The following USP15 variants were observed in gnomAD, a reference collection of about 807,000 sequenced individuals.
USP15 encodes the protein ubiquitin specific peptidase 15, also known as ubiquitin carboxyl-terminal hydrolase 15.
In USP15, 18 loss-of-function variants were observed where a neutral mutation model predicts 127.1. The observed-to-expected ratio is 0.14, with a 90% confidence interval of 0.10 to 0.21. The LOEUF is 0.21. Among genes scored for constraint, USP15 ranks in the 10% least tolerant of loss-of-function variants. The pLI, the probability that USP15 is intolerant of heterozygous loss-of-function variation, is 1.00. For missense variants in USP15, 805 were observed against 1,159.9 expected (o/e 0.69, Z 4.44); for synonymous variants, 364 against 393.7 (o/e 0.92, Z 0.89).
chr12:62,302,649 A>G (rs528223873), intron 2 of USP15, 141 bp from the exon 3 acceptor site: 2 of 713,318 alleles, frequency 2.8e-6, no homozygotes, highest in African/African-American at 3.6e-5. Flanking sequence ...AAAATTGGAC[A>G]CCCCTGATGT....
At chr12:62,305,514 G>A (rs371355891) in intron 3 of USP15, 6 of 152,116 alleles carry the variant, frequency 3.9e-5, no homozygotes, top group East Asian at 3.9e-4. Context: ...ACCTGCAGAC[G>A]TGTATTAAAG....
chr12:62,371,249 C>G (rs2066656204), intron 8 of USP15, among the ~76,000 whole-genome samples: 1 of 152,168 alleles, frequency 6.6e-6, no homozygotes, highest in South Asian at 2.1e-4. Flanking sequence ...TTTCAAAACT[C>G]TTTGTATATA....
At chr12:62,281,929 T>G (rs1006593587) in intron 1 of USP15, among the ~76,000 whole-genome samples, 2 of 152,174 alleles carry the variant, frequency 1.3e-5, no homozygotes, top group African/African-American at 4.8e-5. Context: ...GCAGTCCCTT[T>G]TTATCTGCAG....
intron 20 of USP15, among the ~76,000 whole-genome samples, chr12:62,397,041 C>G (rs927122450): frequency 7.2e-5 from 11 of 151,996 alleles, no homozygotes; most frequent in African/African-American, 2.7e-4. Flanking sequence ...ATGGCTCTAA[C>G]ACTCGACACT....
At chr12:62,346,950 AATT>A (rs2065836497) in intron 6 of USP15, among the ~76,000 whole-genome samples, 1 of 151,994 alleles carries the variant, frequency 6.6e-6, no homozygotes, top group Non-Finnish European at 1.5e-5. Flanking sequence ...CTATCCCTCT[AATT>A]GTACGTCATT....
intron 9 of USP15, 102 bp downstream of exon 9, chr12:62,381,765 G>T (rs930480371): frequency 1.4e-5 from 16 of 1,184,710 alleles, no homozygotes; most frequent in Non-Finnish European, 1.8e-5. Context: ...ACAATGGTTT[G>T]TGGCCCTCCA....
intron 6 of USP15, chr12:62,335,413 C>G: frequency 7.2e-7 from 1 of 1,384,902 alleles, no homozygotes; most frequent in East Asian, 2.7e-5. Context: ...AATTGTTGTA[C>G]TTTACCTGTC....
chr12:62,335,298 A>G lies in USP15; in HGVS notation c.683+9365A>G, dbSNP rs1240082000. On this transcript the variant is annotated intron_variant, in intron 6 of 21. Transcript: ENST00000280377. ...TAAATAACCTGATATTAACTCCACA[A>G]ATGTTAGCTAGATTGGACCATGTGT... The G allele has an allele frequency of 6.7e-6, 10 of 1,485,836 alleles. No homozygotes were observed. In the East Asian group the frequency reaches 1.7e-4, roughly 26 times the overall value. 92.0% of individuals were successfully genotyped at this position (1,485,836 alleles called of 1,614,324 possible). A position where few individuals can be genotyped will look rare whatever the true frequency, so the allele number is the denominator to read the frequency against.
At chr12:62,313,965 A>G in intron 3 of USP15, 1 of 732,050 alleles carries the variant, frequency 1.4e-6, no homozygotes, top group Non-Finnish European at 1.7e-6. Context: ...CTAATGGATC[A>G]CATATCAGGC....
At chr12:62,341,415 GTCA>G (rs1421702016) in intron 6 of USP15, among the ~76,000 whole-genome samples, 1 of 152,142 alleles carries the variant, frequency 6.6e-6, no homozygotes, top group Non-Finnish European at 1.5e-5. Flanking sequence ...ATTTGATCCA[GTCA>G]TCATGATGCT....
In USP15 at chr12:62,343,654, T is replaced by TC. The variant is rs1275863508; in HGVS notation, c.684-5562dup. Among the ~76,000 whole-genome samples the TC allele has an allele frequency of 1.1e-4, 16 of 151,464 alleles. No homozygotes were observed. The East Asian group carries it at 3.1e-3, about 30-fold the overall frequency. On this transcript the variant is annotated intron_variant, in intron 6 of 21. Transcript: ENST00000280377. ...GCTTCCCTTGGCTGGAGGAGGGAGG[T>TC]CCCCCAACTCCTTGCACTTCCCTGG...
intron 4 of USP15, among the ~76,000 whole-genome samples, chr12:62,316,546 A>G (rs2064835867): frequency 6.6e-6 from 1 of 152,114 alleles, no homozygotes; most frequent in Non-Finnish European, 1.5e-5. Flanking sequence ...GTCTGTTAAA[A>G]TTAATTCAGA....
intron 11 of USP15, among the ~76,000 whole-genome samples, chr12:62,384,593 CATA>C (rs2067090198): frequency 6.6e-6 from 1 of 150,678 alleles, no homozygotes; most frequent in Non-Finnish European, 1.5e-5. Context: ...TGAAGATCAA[CATA>C]ATATTTTTAA....
intron 7 of USP15, among the ~76,000 whole-genome samples, chr12:62,354,218 G>A (rs1243767092): frequency 6.6e-6 from 1 of 151,812 alleles, no homozygotes; most frequent in Non-Finnish European, 1.5e-5. Flanking sequence ...TAATAATAAA[G>A]TGAGAGCGTC....
At chr12:62,390,819 T>C (rs796214603) in intron 14 of USP15, 45 bp from the exon 15 acceptor site, 3 of 1,419,456 alleles carry the variant, frequency 2.1e-6, no homozygotes, top group African/African-American at 2.9e-5. Flanking sequence ...TAAAAGTTTT[T>C]ATCTTTGTAG....
intron 2 of USP15, among the ~76,000 whole-genome samples, chr12:62,301,396 T>A (rs1356174564): frequency 1.3e-5 from 2 of 152,184 alleles, no homozygotes; most frequent in African/African-American, 4.8e-5. Flanking sequence ...CAAATGGTCA[T>A]ACAGTGTTAT....
At chr12:62,269,651 C>G (rs1049624087) in intron 1 of USP15, among the ~76,000 whole-genome samples, 1 of 151,906 alleles carries the variant, frequency 6.6e-6, no homozygotes, top group Non-Finnish European at 1.5e-5. Flanking sequence ...GAACTCCTGG[C>G]CTCAAGCACT....
intron 2 of USP15, among the ~76,000 whole-genome samples, chr12:62,298,605 C>A (rs1393142259): frequency 1.3e-5 from 2 of 151,862 alleles, no homozygotes; most frequent in African/African-American, 4.8e-5. Context: ...GGCAGCGGTT[C>A]AGCAAGCTGA....
At chr12:62,355,756 G>T (rs2066103951) in intron 8 of USP15, among the ~76,000 whole-genome samples, 1 of 147,998 alleles carries the variant, frequency 6.8e-6, no homozygotes, top group Non-Finnish European at 1.5e-5. Flanking sequence ...TCTAAAAAGG[G>T]AGGGAAAAAA....
Sources: allele counts gnomAD v4.1 joint callset (sites outside exome capture counted in the v4.1 genomes callset), GRCh38; gene constraint gnomAD v4.1.1; transcripts MANE v1.5; gene names NCBI Gene and HGNC (gene_info 2026-07-23, HGNC 2026-07-21).